CFI: variants seen among roughly 807,000 people sequenced by gnomAD.
The protein encoded by CFI is C3B/C4B inactivator.
Under a neutral mutation model 78.8 loss-of-function variants are expected in CFI, and 66 were observed. That is an observed-to-expected ratio of 0.84 (90% CI 0.69 to 1.03). CFI has a LOEUF of 1.03. CFI is among the 50% of genes least tolerant of loss of function. The pLI is 0.00. For synonymous variants in CFI, 250 were observed against 232.6 expected (o/e 1.07, Z -0.68); for missense variants, 706 against 704.5 (o/e 1.00, Z -0.02).
rs978550738 is a variant in CFI, at chr4:109,749,255, C to T, written c.1111G>A (p.Gly371Ser). ...SGITCGGIYI[G>S]GCWILTAAHC... Reference sequence around the variant, plus strand: ...GCAGCAGTCAGAATCCAACAGCCACCAATATAAATTCCCCCACAGGTGATT... The same window carrying T: ...GCAGCAGTCAGAATCCAACAGCCACTAATATAAATTCCCCCACAGGTGATT... Residue 371 changes from glycine to serine, a missense_variant, in exon 10 of 13, where the codon GGT becomes AGT. Transcript: ENST00000394634. 2 of 1,614,110 alleles carry T rather than the reference C, an allele frequency of 1.2e-6. No individual in the cohort carries two copies. Among genetic ancestry groups the T allele is most frequent in the Non-Finnish European group, 1.7e-6 (2 of 1,180,010 alleles).
chr4:109,774,877 G>C (rs1560553491), intron 1 of CFI, among the ~76,000 whole-genome samples: 1 of 152,120 alleles, frequency 6.6e-6, no homozygotes, highest in African/African-American at 2.4e-5. Context: ...AGTTCCTTGA[G>C]GTGTGATCTT....
intron 1 of CFI, chr4:109,794,305 C>T (rs1256610706): frequency 6.6e-6 from 1 of 152,014 alleles, no homozygotes; most frequent in East Asian, 1.9e-4. Flanking sequence ...GTCTCATAGG[C>T]TCTGTTCATT....
At position 109,742,433 on chromosome 4, in the gene CFI, T is replaced by C. The variant is rs1157516772; in HGVS notation, c.1534+58A>G. The C allele has an allele frequency of 3.5e-6, 4 of 1,126,838 alleles. No individual in the cohort carries two copies. The East Asian group carries it at 7.0e-5, about 20-fold the overall frequency. 69.8% of individuals were successfully genotyped at this position (1,126,838 alleles called of 1,614,324 possible). On this transcript the variant is annotated intron_variant, in intron 12 of 12. Coordinates refer to ENST00000394634, the MANE Select transcript of CFI (RefSeq NM_000204.5). ...TGGGGGCTGATGTGGTGGGAGGAGA[T>C]GTTTGATAGGGGAAATACATACATC...
intron 11 of CFI, among the ~76,000 whole-genome samples, chr4:109,745,063 G>A (rs1724244092): frequency 6.6e-6 from 1 of 152,188 alleles, no homozygotes; most frequent in African/African-American, 2.4e-5. Context: ...TAATGAATGT[G>A]TTGGAATATG....
intron 1 of CFI, among the ~76,000 whole-genome samples, chr4:109,798,844 C>G (rs1732399109): frequency 6.6e-6 from 1 of 151,504 alleles, no homozygotes; most frequent in African/African-American, 2.4e-5. Flanking sequence ...GACTTATATT[C>G]AGCTAGTATT....
chr4:109,755,862 G>C (rs1020168514), intron 7 of CFI, among the ~76,000 whole-genome samples: 1 of 152,244 alleles, frequency 6.6e-6, no homozygotes, highest in Non-Finnish European at 1.5e-5. Context: ...GTATGATTGT[G>C]GGCTGAAAGT....
intron 7 of CFI, 83 bp from the exon 8 acceptor site, chr4:109,752,586 T>C: frequency 8.4e-7 from 1 of 1,196,480 alleles, no homozygotes; most frequent in Non-Finnish European, 1.2e-6. Context: ...AAACACTGAT[T>C]ATAATTTTCT....
Position 109,764,251 on chromosome 4 carries a change from C to T in CFI, c.482+286G>A, listed in dbSNP as rs186308569. The T allele has an allele frequency of 1.3e-3, 584 of 463,160 alleles. 1 individual carries two copies. The highest frequency in any genetic ancestry group is 1.7e-3 in the Non-Finnish European group (425 of 254,592). 28.7% of individuals were successfully genotyped at this position (463,160 alleles called of 1,614,324 possible). A position where few individuals can be genotyped will look rare whatever the true frequency, so the allele number is the denominator to read the frequency against. On this transcript the variant is annotated intron_variant, in intron 3 of 12. Coordinates refer to ENST00000394634, the MANE Select transcript of CFI (RefSeq NM_000204.5). Reference sequence around the variant, plus strand: ...GTGAAAAAGTGTACATAATTGTAGACGAGTAGGAGACAGACAGAAATGAAT... The same window carrying T: ...GTGAAAAAGTGTACATAATTGTAGATGAGTAGGAGACAGACAGAAATGAAT...
intron 1 of CFI, among the ~76,000 whole-genome samples, chr4:109,792,745 A>C: frequency 6.6e-6 from 1 of 152,118 alleles, no homozygotes; most frequent in South Asian, 2.1e-4. Context: ...TATCTCTTGT[A>C]ACGGTTTTTG....
rs373550354 is a variant in CFI, at chr4:109,756,206, G to A, written c.904+1557C>T. 1.1e-4 allele frequency among the ~76,000 whole-genome samples: 17 copies of A among 152,070 alleles called. No homozygotes were observed. The East Asian group carries it at 2.9e-3, about 26-fold the overall frequency. ...AAAGAGGGATAAATGAGTCAAACAA[G>A]ACAGGGGCCTTGCTTGACCCCTGAT... is the stretch of plus-strand genomic sequence containing the variant. On this transcript the variant is annotated intron_variant, in intron 7 of 12. Coordinates refer to ENST00000394634, the MANE Select transcript of CFI (RefSeq NM_000204.5).
intron 1 of CFI, among the ~76,000 whole-genome samples, chr4:109,789,811 G>C (rs1355364103): frequency 6.6e-6 from 1 of 151,952 alleles, no homozygotes; most frequent in Non-Finnish European, 1.5e-5. Flanking sequence ...TTGCTATTAT[G>C]GTAATTTATT....
chr4:109,775,197 G>A (rs1729067918), intron 1 of CFI, among the ~76,000 whole-genome samples: 1 of 152,010 alleles, frequency 6.6e-6, no homozygotes, highest in Non-Finnish European at 1.5e-5. Flanking sequence ...GAGCAGGGTG[G>A]GGCATCGCCT....
At chr4:109,800,758 T>C (rs1732685576) in intron 1 of CFI, among the ~76,000 whole-genome samples, 1 of 152,086 alleles carries the variant, frequency 6.6e-6, no homozygotes, top group Admixed American at 6.5e-5. Flanking sequence ...TGCATTTATA[T>C]ATATGCATAT....
At chr4:109,747,709 T>C (rs543649934) in intron 10 of CFI, among the ~76,000 whole-genome samples, 1 of 152,318 alleles carries the variant, frequency 6.6e-6, no homozygotes, top group Middle Eastern at 3.4e-3. Flanking sequence ...AAATGTATTA[T>C]TTATATCAGT....
chr4:109,777,467 C>A (rs1413413524), intron 1 of CFI, among the ~76,000 whole-genome samples: 1 of 152,086 alleles, frequency 6.6e-6, no homozygotes, highest in Non-Finnish European at 1.5e-5. Flanking sequence ...TACAGGAACA[C>A]CCAGATTCAT....
chr4:109,731,973 G>T, the CFI span, among the ~76,000 whole-genome samples: 3 of 152,052 alleles, frequency 2.0e-5, no homozygotes, highest in African/African-American at 7.2e-5. Context: ...TATGAAAGTT[G>T]GACTAGATTA....
intron 7 of CFI, among the ~76,000 whole-genome samples, chr4:109,756,091 A>G (rs1261171913): frequency 6.6e-6 from 1 of 152,228 alleles, no homozygotes; most frequent in African/African-American, 2.4e-5. Context: ...ACATTGGATA[A>G]GAATGCATGC....
At chr4:109,800,819 T>G (rs1157125005) in intron 1 of CFI, among the ~76,000 whole-genome samples, 1 of 152,082 alleles carries the variant, frequency 6.6e-6, no homozygotes, top group Non-Finnish European at 1.5e-5. Context: ...AAAATAAAAT[T>G]GTAGTAAGGA....
intron 1 of CFI, among the ~76,000 whole-genome samples, chr4:109,800,121 C>T (rs1732573479): frequency 6.6e-6 from 1 of 152,086 alleles, no homozygotes. Context: ...TGCACACCCT[C>T]CTGTGTGCCA....
Sources: gnomAD v4.1 joint callset for allele counts (sites outside exome capture counted in the v4.1 genomes callset) on GRCh38, gnomAD v4.1.1 for gene constraint, MANE v1.5 for transcripts, NCBI Gene and HGNC (gene_info 2026-07-23, HGNC 2026-07-21) for gene names.